Variants in PAK2 observed in about 807,000 individuals in gnomAD.
PAK2 encodes the protein p21 (RAC1) activated kinase 2, also known as serine/threonine-protein kinase PAK 2.
PAK2 carries 21 observed loss-of-function variants against 65.9 expected under a neutral mutation model. That is an observed-to-expected ratio of 0.32 (90% CI 0.23 to 0.46). PAK2 has a LOEUF of 0.46. Among genes scored for constraint, PAK2 ranks in the 20% least tolerant of loss-of-function variants. PAK2 has a pLI of 1.00. For missense variants in PAK2, 324 were observed against 642.6 expected, an observed-to-expected ratio of 0.50 and a Z score of 5.36; for synonymous variants, 204 against 219.7, an observed-to-expected ratio of 0.93 and a Z score of 0.63.
chr3:196,804,808 T>TATATATATATATATACAC (rs1715531223), intron 4 of PAK2, among the ~76,000 whole-genome samples: 1 of 12,972 alleles, frequency 7.7e-5, no homozygotes, highest in Admixed American at 1.0e-3. Context: ...GTGTGTGTGA[T>TATATATATATATATACAC]ATATATATAT....
At chr3:196,766,931 C>CGTGTGTGTGTGTGTGTGTGT (rs60929724) in intron 1 of PAK2, among the ~76,000 whole-genome samples, 9 of 134,406 alleles carry the variant, frequency 6.7e-5, no homozygotes, top group African/African-American at 1.9e-4. Flanking sequence ...AAGTACACCC[C>CGTGTGTGTGTGTGTGTGTGT]GTGTGTGTGT....
chr3:196,750,927 C>T (rs1030764728), intron 1 of PAK2, among the ~76,000 whole-genome samples: 2 of 151,918 alleles, frequency 1.3e-5, no homozygotes, highest in Non-Finnish European at 2.9e-5. Flanking sequence ...GTGTACAGTT[C>T]TTTGGCATTA....
chr3:196,745,416 G>GC (rs1371537790), intron 1 of PAK2, among the ~76,000 whole-genome samples: 5 of 151,462 alleles, frequency 3.3e-5, no homozygotes, highest in African/African-American at 1.2e-4. Context: ...GAGCCACCGT[G>GC]CCCAGCCCAT....
chr3:196,768,498 A>G (rs1256575792), intron 1 of PAK2, among the ~76,000 whole-genome samples: 1 of 151,156 alleles, frequency 6.6e-6, no homozygotes, highest in Admixed American at 6.6e-5. Context: ...TTATATATGT[A>G]TGTATGTATT....
intron 11 of PAK2, among the ~76,000 whole-genome samples, chr3:196,817,502 C>T (rs942414895): frequency 3.9e-5 from 6 of 152,094 alleles, no homozygotes; most frequent in Non-Finnish European, 7.4e-5. Context: ...AGGTGCACAC[C>T]ACCACACCCA....
chr3:196,807,396 G>A (rs187486652), intron 6 of PAK2, among the ~76,000 whole-genome samples: 80 of 152,190 alleles, frequency 5.3e-4, no homozygotes, highest in Non-Finnish European at 7.8e-4. Flanking sequence ...ACTTTCATGG[G>A]AATTAATAAT....
chr3:196,772,496 C>T lies in PAK2; in HGVS notation c.-21-10130C>T, dbSNP rs1192062312. Among the ~76,000 whole-genome samples the T allele has an allele frequency of 5.9e-5, 9 of 152,236 alleles. No individual in the cohort carries two copies. The South Asian group carries it at 1.2e-3, about 21-fold the overall frequency. ...CAGACCTTTATCTTAGAGTTTGAAG[C>T]GAAGTTTTAGTTTCCTTCTTTTTTA... On this transcript the variant is annotated intron_variant, in intron 1 of 14. Coordinates refer to ENST00000327134, the MANE Select transcript of PAK2 (RefSeq NM_002577.4).
intron 1 of PAK2, among the ~76,000 whole-genome samples, chr3:196,770,331 T>C (rs1262574459): frequency 6.6e-6 from 1 of 151,948 alleles, no homozygotes; most frequent in African/African-American, 2.4e-5. Context: ...TTTTCAGAGT[T>C]CATTTTTATT....
At chr3:196,821,052 G>A (rs1711628420) in intron 13 of PAK2, among the ~76,000 whole-genome samples, 1 of 152,076 alleles carries the variant, frequency 6.6e-6, no homozygotes, top group Admixed American at 6.6e-5. Context: ...GTTGGGTCAG[G>A]CTGGTCTCAA....
intron 1 of PAK2, among the ~76,000 whole-genome samples, chr3:196,760,286 T>G (rs943925727): frequency 1.3e-5 from 2 of 152,146 alleles, no homozygotes; most frequent in African/African-American, 4.8e-5. Context: ...CGTCTTGCAC[T>G]GTCGCCCAGG....
chr3:196,785,520 T>G (rs941467625), intron 2 of PAK2, among the ~76,000 whole-genome samples: 1 of 152,162 alleles, frequency 6.6e-6, no homozygotes, highest in Admixed American at 6.5e-5. Flanking sequence ...TCATTGTGTT[T>G]TAAATTGGCC....
chr3:196,797,064 G>A (rs571690257), intron 2 of PAK2, among the ~76,000 whole-genome samples: 2 of 137,432 alleles, frequency 1.5e-5, no homozygotes, highest in South Asian at 2.3e-4. Context: ...AAATTTGAAC[G>A]TAACTATCAG....
chr3:196,755,779 C>T (rs1273227908), intron 1 of PAK2, among the ~76,000 whole-genome samples: 1 of 150,958 alleles, frequency 6.6e-6, no homozygotes, highest in Non-Finnish European at 1.5e-5. Flanking sequence ...TTTTTTGAGA[C>T]GGAGTCTCGC....
intron 2 of PAK2, among the ~76,000 whole-genome samples, chr3:196,783,184 C>T (rs2108740222): frequency 6.6e-6 from 1 of 152,216 alleles, no homozygotes; most frequent in African/African-American, 2.4e-5. Flanking sequence ...TCCCTGGAGC[C>T]AACTGTGTTT....
chr3:196,747,167 C>T lies in PAK2; in HGVS notation c.-22+7010C>T, dbSNP rs537657867. On this transcript the variant is annotated intron_variant, in intron 1 of 14. Coordinates refer to ENST00000327134, the MANE Select transcript of PAK2 (RefSeq NM_002577.4). ...TCTACTTTTCTCTTTATTTTGCTCT[C>T]CTGCTTTTTTTTTTTGTTGTTAACA... The T allele has an allele frequency of 2.3e-5, 2 of 87,466 alleles. 1 individual carries two copies. Among genetic ancestry groups the T allele is most frequent in the South Asian group, 6.9e-4 (2 of 2,884 alleles). 5.4% of individuals were successfully genotyped at this position (87,466 alleles called of 1,614,324 possible).
chr3:196,771,833 C>T (rs1043758092), intron 1 of PAK2, among the ~76,000 whole-genome samples: 5 of 152,236 alleles, frequency 3.3e-5, no homozygotes, highest in Non-Finnish European at 7.3e-5. Flanking sequence ...GCTGGGATTA[C>T]AGGCGTGAGC....
intron 2 of PAK2, among the ~76,000 whole-genome samples, chr3:196,799,178 G>A (rs2108753994): frequency 6.6e-6 from 1 of 152,238 alleles, no homozygotes; most frequent in South Asian, 2.1e-4. Flanking sequence ...AAATACTAGT[G>A]GAAGTAAGTG....
intron 2 of PAK2, among the ~76,000 whole-genome samples, chr3:196,795,308 A>T (rs1052165861): frequency 2.7e-5 from 4 of 150,550 alleles, no homozygotes; most frequent in Non-Finnish European, 5.9e-5. Context: ...AAAAAAAAGA[A>T]AAAAAGAAAA....
In PAK2 at chr3:196,818,337, C is replaced by G. The variant is rs537956414; in HGVS notation, c.1153+181C>G. 2.0e-5 allele frequency among the ~76,000 whole-genome samples: 3 copies of G among 152,208 alleles called. No homozygotes were observed. In the East Asian group the frequency reaches 5.8e-4, roughly 29 times the overall value. On this transcript the variant is annotated intron_variant, in intron 12 of 14. Transcript: ENST00000327134. ...TAATCAGTGCCAGAGAAAGGACTCGCTGGATAAGACATTACCTAATAATTA... is the reference window on the plus strand; with the variant it reads ...TAATCAGTGCCAGAGAAAGGACTCGGTGGATAAGACATTACCTAATAATTA...
Sources: allele counts gnomAD v4.1 joint callset (sites outside exome capture counted in the v4.1 genomes callset), GRCh38; gene constraint gnomAD v4.1.1; transcripts MANE v1.5; gene names NCBI Gene and HGNC (gene_info 2026-07-23, HGNC 2026-07-21).